The following TSGA10 variants were observed in gnomAD, a reference collection of about 807,000 sequenced individuals.
TSGA10 encodes testis-specific gene 10 protein.
TSGA10 carries 43 observed loss-of-function variants against 96.6 expected under a neutral mutation model. The observed-to-expected ratio is 0.44, with a 90% CI of 0.35 to 0.57. The LOEUF (loss-of-function observed/expected upper bound fraction) is 0.57. Ranked by LOEUF, TSGA10 falls within the 20% of genes least tolerant of loss-of-function variation. TSGA10 has a pLI of 0.01. For missense variants in TSGA10, 703 were observed against 834.4 expected (o/e 0.84, Z 1.94); for synonymous variants, 229 against 269.9 (o/e 0.85, Z 1.48).
intron 10 of TSGA10, among the ~76,000 whole-genome samples, chr2:99,086,118 A>G (rs1190374838): frequency 1.3e-5 from 2 of 152,222 alleles, no homozygotes; most frequent in Non-Finnish European, 2.9e-5. Context: ...ACAAACACCC[A>G]TGACAGGGGT....
intron 4 of TSGA10, among the ~76,000 whole-genome samples, chr2:99,113,889 A>C (rs2092021629): frequency 6.6e-6 from 1 of 152,136 alleles, no homozygotes; most frequent in Non-Finnish European, 1.5e-5. Flanking sequence ...GAACCAGAAC[A>C]ACCCAGCTAA....
chr2:99,083,916 G>A (rs2087888250), intron 10 of TSGA10, among the ~76,000 whole-genome samples: 1 of 152,260 alleles, frequency 6.6e-6, no homozygotes, highest in East Asian at 1.9e-4. Flanking sequence ...AACTACATAT[G>A]TGATAAAATG....
At chr2:99,083,980 T>C (rs1246448672) in intron 10 of TSGA10, among the ~76,000 whole-genome samples, 12 of 152,238 alleles carry the variant, frequency 7.9e-5, no homozygotes, top group Non-Finnish European at 5.9e-5. Flanking sequence ...TTTGATATTG[T>C]ACTATAGTGA....
chr2:99,049,087 C>T (rs938647200), intron 16 of TSGA10, among the ~76,000 whole-genome samples: 6 of 152,122 alleles, frequency 3.9e-5, no homozygotes, highest in African/African-American at 1.2e-4. Flanking sequence ...ACAACAGATG[C>T]TGGAGAGGAT....
At chr2:99,032,388 C>T (rs76015439) in intron 17 of TSGA10, among the ~76,000 whole-genome samples, 1,848 of 152,188 alleles carry the variant, frequency 0.012, 41 homozygotes, top group African/African-American at 0.042. Flanking sequence ...ATACCAAGTC[C>T]CACTTAAATT....
In TSGA10 at chr2:99,102,067, T is replaced by C. The variant is rs932060326; in HGVS notation, c.611+1900A>G. 33 of 1,483,290 alleles carry C rather than the reference T, an allele frequency of 2.2e-5. No individual in the cohort carries two copies. The Admixed American group carries it at 5.0e-4, about 23-fold the overall frequency. 91.9% of individuals were successfully genotyped at this position (1,483,290 alleles called of 1,614,324 possible). On this transcript the variant is annotated intron_variant, in intron 10 of 20. Transcript: ENST00000393483. ...GTTAACAAAAAGGCTTTGGATCAGTTTGTAAATTTCTCTGAGCAGAAAGAA... is the reference window on the plus strand; with the variant it reads ...GTTAACAAAAAGGCTTTGGATCAGTCTGTAAATTTCTCTGAGCAGAAAGAA...
chr2:99,003,975 TA>T (rs1488282361), intron 20 of TSGA10, among the ~76,000 whole-genome samples: 2 of 151,670 alleles, frequency 1.3e-5, no homozygotes, highest in Non-Finnish European at 2.9e-5. Flanking sequence ...AATAGAGACA[TA>T]AAAAACCCTT....
intron 1 of TSGA10, among the ~76,000 whole-genome samples, chr2:99,127,481 C>G (rs1466152826): frequency 6.6e-6 from 1 of 151,892 alleles, no homozygotes; most frequent in Non-Finnish European, 1.5e-5. Flanking sequence ...CTTGTGTTGT[C>G]CAAAATAGCT....
intron 5 of TSGA10, among the ~76,000 whole-genome samples, chr2:99,110,121 C>A (rs1006132908): frequency 3.3e-5 from 5 of 152,104 alleles, no homozygotes; most frequent in Non-Finnish European, 7.4e-5. Flanking sequence ...GCCGAGAATG[C>A]GCCATTGCAC....
At chr2:99,108,331 G>A (rs1394246734) in intron 7 of TSGA10, among the ~76,000 whole-genome samples, 3 of 151,980 alleles carry the variant, frequency 2.0e-5, no homozygotes, top group African/African-American at 7.2e-5. Context: ...GAAGTTATAT[G>A]GGTGATTTAT....
chr2:99,069,214 T>C (rs1443159246), intron 14 of TSGA10, among the ~76,000 whole-genome samples: 1 of 152,060 alleles, frequency 6.6e-6, no homozygotes, highest in Non-Finnish European at 1.5e-5. Flanking sequence ...AGGTAAGACC[T>C]GAAAAAAACT....
chr2:99,048,144 G>A (rs1339493655), intron 16 of TSGA10, among the ~76,000 whole-genome samples: 1 of 152,148 alleles, frequency 6.6e-6, no homozygotes, highest in African/African-American at 2.4e-5. Context: ...TGGCCATACT[G>A]CCCAAAGGGA....
intron 10 of TSGA10, among the ~76,000 whole-genome samples, chr2:99,096,898 T>C (rs1017413854): frequency 9.9e-5 from 15 of 152,198 alleles, no homozygotes; most frequent in African/African-American, 3.4e-4. Context: ...TTACTCACAG[T>C]AATTACTCTG....
At chr2:99,071,620 C>A in intron 14 of TSGA10, 86 bp downstream of exon 14, 1 of 1,333,064 alleles carries the variant, frequency 7.5e-7, no homozygotes, top group Non-Finnish European at 1.0e-6. Context: ...TGTCTGAGCT[C>A]TTCTATAAAA....
intron 15 of TSGA10, 25 bp from the exon 16 acceptor site, chr2:99,065,149 C>T: frequency 1.2e-6 from 2 of 1,602,156 alleles, no homozygotes; most frequent in Non-Finnish European, 1.7e-6. Flanking sequence ...TTAGCTATTA[C>T]TTTAAAATGC....
At chr2:99,140,495 GA>G (rs749210549) in intron 1 of TSGA10, among the ~76,000 whole-genome samples, 23 of 150,884 alleles carry the variant, frequency 1.5e-4, no homozygotes, top group African/African-American at 5.1e-4. Context: ...AAAAAAAAGT[GA>G]AAAAAAACCA....
chr2:99,031,045 A>G (rs2081083396), intron 17 of TSGA10, among the ~76,000 whole-genome samples: 1 of 146,768 alleles, frequency 6.8e-6, no homozygotes, highest in Non-Finnish European at 1.5e-5. Context: ...AACAATTTTG[A>G]AAAAAAAAGA....
At chr2:99,001,497 G>A (rs1301784966) in intron 20 of TSGA10, among the ~76,000 whole-genome samples, 10 of 152,164 alleles carry the variant, frequency 6.6e-5, no homozygotes, top group Non-Finnish European at 1.2e-4. Context: ...ATCAAAGACC[G>A]AAGGTAGATT....
intron 7 of TSGA10, among the ~76,000 whole-genome samples, chr2:99,107,277 C>T (rs2091436781): frequency 6.6e-6 from 1 of 152,130 alleles, no homozygotes; most frequent in South Asian, 2.1e-4. Context: ...CTTATATGTG[C>T]ACTAGTGTAA....
Sources: allele counts gnomAD v4.1 joint callset (sites outside exome capture counted in the v4.1 genomes callset), GRCh38; gene constraint gnomAD v4.1.1; transcripts MANE v1.5; gene names NCBI Gene and HGNC (gene_info 2026-07-23, HGNC 2026-07-21).